SMARCE1: variants seen among roughly 807,000 people sequenced by gnomAD.
SMARCE1 encodes SWI/SNF-related matrix-associated actin-dependent regulator of chromatin subfamily E member 1.
In SMARCE1, 13 loss-of-function variants were observed where a neutral mutation model predicts 54.9. The observed-to-expected ratio is 0.24, with a 90% CI of 0.15 to 0.38. The LOEUF (loss-of-function observed/expected upper bound fraction) is 0.38. Ranked by LOEUF, SMARCE1 falls within the 10% of genes least tolerant of loss-of-function variation. The pLI is 1.00. For missense variants in SMARCE1, 295 were observed against 523.8 expected, an observed-to-expected ratio of 0.56 and a Z score of 4.26; for synonymous variants, 151 against 175.3, an observed-to-expected ratio of 0.86 and a Z score of 1.10.
At chr17:40,638,830 GT>G (rs1207032731) in intron 4 of SMARCE1, among the ~76,000 whole-genome samples, 1 of 152,212 alleles carries the variant, frequency 6.6e-6, no homozygotes, top group Non-Finnish European at 1.5e-5. Flanking sequence ...CCCTTCTGTT[GT>G]TGCTATGATA....
Position 40,642,282 on chromosome 17 carries a change from C to A in SMARCE1, c.156+173G>T. On this transcript the variant is annotated intron_variant, in intron 4 of 10. Transcript: ENST00000348513. This position sits in a 1 kb window ranked among gnomAD's most constrained non-coding sequence, Gnocchi z 4.6. ...TCTTCTATATACATTCCAGATCTCA[C>A]TATTTATTTTTTCAGTGTGAGATGC... 1 of 675,176 alleles carries A rather than the reference C, an allele frequency of 1.5e-6. No homozygotes were observed. The highest frequency in any genetic ancestry group is 2.7e-6 in the Non-Finnish European group (1 of 375,684). 41.8% of individuals were successfully genotyped at this position (675,176 alleles called of 1,614,324 possible).
chr17:40,631,712 C>T lies in SMARCE1; in HGVS notation c.715-19G>A, dbSNP rs775623781. ...GTTTTCGCTGCAAGACAGGATCAGG[C>T]TTCATAATTGTGTCTCATTTTTTAA... On this transcript the variant is annotated intron_variant, in intron 8 of 10. Coordinates refer to ENST00000348513, the MANE Select transcript of SMARCE1 (RefSeq NM_003079.5). 6 of 1,398,758 alleles carry T rather than the reference C, an allele frequency of 4.3e-6. No individual in the cohort carries two copies. In the Admixed American group the frequency reaches 8.6e-5, roughly 20 times the overall value. The allele number at this position is 1,398,758 out of a possible 1,614,324, so 86.6% of individuals were successfully genotyped here. A position where few individuals can be genotyped will look rare whatever the true frequency, so the allele number is the denominator to read the frequency against.
intron 4 of SMARCE1, among the ~76,000 whole-genome samples, chr17:40,640,286 GT>G (rs1251485387): frequency 1.3e-5 from 2 of 152,194 alleles, no homozygotes; most frequent in African/African-American, 2.4e-5. Context: ...TTAAGAGAAT[GT>G]TAATCATCAT....
At chr17:40,640,902 G>A (rs1597748735) in intron 4 of SMARCE1, 1 of 152,210 alleles carries the variant, frequency 6.6e-6, no homozygotes, top group Non-Finnish European at 1.5e-5. Flanking sequence ...CAGATAGGGA[G>A]TACACTTTCT....
chr17:40,643,608 C>A (rs750418474), intron 3 of SMARCE1: 6 of 152,106 alleles, frequency 3.9e-5, no homozygotes, highest in Non-Finnish European at 8.8e-5. Flanking sequence ...AAAATTCAAT[C>A]AAAATATGTG....
Position 40,628,974 on chromosome 17 carries a change from T to C in SMARCE1, c.1047A>G (p.Glu349=). 6.2e-7 allele frequency: 1 copy of C among 1,613,796 alleles called. No individual in the cohort carries two copies. Among genetic ancestry groups the C allele is most frequent in the Non-Finnish European group, 8.5e-7 (1 of 1,179,774 alleles). The change falls in exon 11 of 11, where the codon GAA becomes GAG. Residue 349 remains glutamate, a synonymous_variant. Transcript: ENST00000348513. Reference sequence around the variant, plus strand: ...CACCATTCTGTTGGCTCTCTGTTGTTTCTTCAAGGTGTGTCTCCTCTGTAA... The same window carrying C: ...CACCATTCTGTTGGCTCTCTGTTGTCTCTTCAAGGTGTGTCTCCTCTGTAA... The part of the protein sequence containing the change: ...PMETEETHLE[E]TTESQQNGEE...
At chr17:40,631,943 C>T in intron 8 of SMARCE1, 1 of 539,036 alleles carries the variant, frequency 1.9e-6, no homozygotes, top group Non-Finnish European at 3.3e-6. Context: ...TGATAGGATG[C>T]CTCAAAATTC....
intron 8 of SMARCE1, 155 bp from the exon 9 acceptor site, chr17:40,631,848 T>G: frequency 8.6e-6 from 5 of 581,860 alleles, no homozygotes; most frequent in South Asian, 7.1e-5. Context: ...AAGAAATGAT[T>G]ATGATCAATA....
chr17:40,628,749 A>G lies in SMARCE1; in HGVS notation c.*36T>C. On this transcript the variant is annotated 3_prime_UTR_variant, in exon 11 of 11. Transcript: ENST00000348513. ...AAAACCAAAAAACATTTTTTCATTA[A>G]AAAAAGTATTTAGAACACACAAAAC... 1 of 1,548,218 alleles carries G rather than the reference A, an allele frequency of 6.5e-7. No homozygotes were observed. The highest frequency in any genetic ancestry group is 8.9e-7 in the Non-Finnish European group (1 of 1,125,696).
chr17:40,629,851 A>G (rs2037072371), intron 10 of SMARCE1: 7 of 368,332 alleles, frequency 1.9e-5, no homozygotes, highest in Admixed American at 9.1e-5. Flanking sequence ...TACAAAACAG[A>G]AAGAGACTCA....
chr17:40,642,660 C>A lies in SMARCE1; in HGVS notation c.52-101G>T. Reference sequence around the variant, plus strand: ...TCTGCATATGGCATGCAAAAGCAACCTGAATTTAAACAAGCAATGATGTGT... The same window carrying A: ...TCTGCATATGGCATGCAAAAGCAACATGAATTTAAACAAGCAATGATGTGT... On this transcript the variant is annotated intron_variant, in intron 3 of 10. Coordinates refer to ENST00000348513, the MANE Select transcript of SMARCE1 (RefSeq NM_003079.5). The surrounding 1 kb of genome is among the most constrained non-coding windows in gnomAD (Gnocchi z 4.6). 1.4e-6 allele frequency: 1 copy of A among 695,932 alleles called. No homozygotes were observed. Among genetic ancestry groups the A allele is most frequent in the Non-Finnish European group, 2.5e-6 (1 of 396,970 alleles). The allele number at this position is 695,932 out of a possible 1,614,324, so 43.1% of individuals were successfully genotyped here.
chr17:40,642,633 G>A lies in SMARCE1; in HGVS notation c.52-74C>T. ...CGAGGAAAACACAGAAATGAAAAAT[G>A]ATCTGCATATGGCATGCAAAAGCAA... On this transcript the variant is annotated intron_variant, in intron 3 of 10. Coordinates refer to ENST00000348513, the MANE Select transcript of SMARCE1 (RefSeq NM_003079.5). This position sits in a 1 kb window ranked among gnomAD's most constrained non-coding sequence, Gnocchi z 4.6. The A allele has an allele frequency of 1.1e-6, 1 of 941,938 alleles. No homozygotes were observed. The highest frequency in any genetic ancestry group is 1.7e-6 in the Non-Finnish European group (1 of 587,054). 58.3% of individuals were successfully genotyped at this position (941,938 alleles called of 1,614,324 possible).
In SMARCE1 at chr17:40,626,492, C is replaced by T. The variant is rs1442228354; in HGVS notation, c.*2293G>A. The stretch of plus-strand genomic sequence containing the variant: ...TATCCCACATTCTCTAAACTGAGAA[C>T]CATCTCAAACATCAAGTCTACATAT... On this transcript the variant is annotated 3_prime_UTR_variant, in exon 11 of 11. Transcript: ENST00000348513. 6.6e-6 allele frequency: 1 copy of T among 152,174 alleles called. No individual in the cohort carries two copies. Among genetic ancestry groups the T allele is most frequent in the African/African-American group, 2.4e-5 (1 of 41,446 alleles). The allele number at this position is 152,174 out of a possible 1,614,324, so 9.4% of individuals were successfully genotyped here.
At chr17:40,645,296 T>TTTAC in intron 3 of SMARCE1, 1 of 410,606 alleles carries the variant, frequency 2.4e-6, no homozygotes, top group African/African-American at 2.1e-5. Flanking sequence ...AAGAAAGAAA[T>TTTAC]GGTAAAACTT....
intron 8 of SMARCE1, chr17:40,631,977 C>T (rs890089851): frequency 5.7e-5 from 31 of 546,154 alleles, no homozygotes; most frequent in African/African-American, 3.8e-4. Context: ...TATTTCTTAA[C>T]GAATATACTT....
chr17:40,627,470 G>C lies in SMARCE1; in HGVS notation c.*1315C>G, dbSNP rs2037046779. On this transcript the variant is annotated 3_prime_UTR_variant, in exon 11 of 11. Coordinates refer to ENST00000348513, the MANE Select transcript of SMARCE1 (RefSeq NM_003079.5). ...TAGAAACATATTCCCTTTACTTTTGGAATCAAAGACCAACTTCCATATGTG... is the reference window on the plus strand; with the variant it reads ...TAGAAACATATTCCCTTTACTTTTGCAATCAAAGACCAACTTCCATATGTG... 6.6e-6 allele frequency: 1 copy of C among 152,088 alleles called. No homozygotes were observed. Among genetic ancestry groups the C allele is most frequent in the South Asian group, 2.1e-4 (1 of 4,828 alleles). The allele number at this position is 152,088 out of a possible 1,614,324, so 9.4% of individuals were successfully genotyped here.
At chr17:40,633,930 C>T (rs1250754171) in intron 7 of SMARCE1, 1 of 152,182 alleles carries the variant, frequency 6.6e-6, no homozygotes, top group Admixed American at 6.5e-5. Flanking sequence ...TATATGGCCC[C>T]AGTGTTGACC....
Position 40,643,973 on chromosome 17 carries a change from TTGGTAGTGG to T in SMARCE1, c.52-1423_52-1415del, listed in dbSNP as rs1258662996. On this transcript the variant is annotated intron_variant, in intron 3 of 10. Coordinates refer to ENST00000348513, the MANE Select transcript of SMARCE1 (RefSeq NM_003079.5). ...GGCAGAGGTGATAGTGGTGATAGTG[TTGGTAGTGG>T]TGGTGATGGTGGTGGTGGTGGTAGA... 1.0e-4 allele frequency: 16 copies of T among 155,680 alleles called. No individual in the cohort carries two copies. The South Asian group carries it at 3.0e-3, about 29-fold the overall frequency. The allele number at this position is 155,680 out of a possible 1,614,324, so 9.6% of individuals were successfully genotyped here.
Position 40,630,732 on chromosome 17 carries a change from T to A in SMARCE1, c.1009A>T (p.Asn337Tyr), listed in dbSNP as rs2037085057. 2.5e-6 allele frequency: 4 copies of A among 1,614,146 alleles called. No homozygotes were observed. The highest frequency in any genetic ancestry group is 3.4e-6 in the Non-Finnish European group (4 of 1,180,008). Residue 337 changes from asparagine (N) to tyrosine (Y), a missense_variant, in exon 10 of 11, where the codon AAC becomes TAC. This residue lies in a region of SMARCE1 where 147 missense variants were observed against 161.4 expected (regional missense o/e 0.91). Transcript: ENST00000348513. ...NKGEEKKDDE[N>Y]IPMETEETHL... is the part of the protein sequence containing the mutation. Reference sequence around the variant, plus strand: ...GGGTTACCTGTCTCCATCGGAATGTTCTCGTCGTCTTTCTTCTCCTCGCCT... The same window carrying A: ...GGGTTACCTGTCTCCATCGGAATGTACTCGTCGTCTTTCTTCTCCTCGCCT...
Sources: allele counts gnomAD v4.1 joint callset (sites outside exome capture counted in the v4.1 genomes callset), GRCh38; gene constraint gnomAD v4.1.1; regional missense constraint gnomAD v4.1.1; non-coding constraint Gnocchi (gnomAD v3.1); transcripts MANE v1.5; gene names NCBI Gene and HGNC (gene_info 2026-07-23, HGNC 2026-07-21).